MECOM: variants seen among roughly 807,000 people sequenced by gnomAD.
MECOM encodes the protein histone-lysine N-methyltransferase MECOM.
Under a neutral mutation model 116.3 loss-of-function variants are expected in MECOM, and 13 were observed. The observed-to-expected ratio is 0.11, with a 90% CI of 0.07 to 0.18. The LOEUF (loss-of-function observed/expected upper bound fraction) is 0.18, where lower values mean the gene tolerates loss of function less well. Among genes scored for constraint, MECOM ranks in the 10% least tolerant of loss-of-function variants. MECOM has a pLI of 1.00. For synonymous variants in MECOM, 528 were observed against 535.2 expected, an observed-to-expected ratio of 0.99 and a Z score of 0.19; for missense variants, 1,299 against 1,509.0, an observed-to-expected ratio of 0.86 and a Z score of 2.31.
rs148039373 is a variant in MECOM, at chr3:169,317,905, G to A, written c.375+63282C>T. The stretch of plus-strand genomic sequence containing the variant: ...AAGGCTACAGTAACCAAAACAGCAT[G>A]GTACTGGTACCAAAACAGATATGTA... On this transcript the variant is annotated intron_variant, in intron 2 of 16. Coordinates refer to ENST00000651503, the MANE Select transcript of MECOM (RefSeq NM_004991.4). Among the ~76,000 whole-genome samples the A allele has an allele frequency of 2.9e-3, 448 of 152,254 alleles. 1 individual carries two copies. Among genetic ancestry groups the A allele is most frequent in the African/African-American group, 9.5e-3 (393 of 41,558 alleles).
chr3:169,358,187 T>C (rs189647360), intron 2 of MECOM, among the ~76,000 whole-genome samples: 5 of 151,856 alleles, frequency 3.3e-5, no homozygotes, highest in Non-Finnish European at 7.4e-5. Flanking sequence ...TGTAACTCTC[T>C]CAAGAGCTTT....
intron 1 of MECOM, among the ~76,000 whole-genome samples, chr3:169,586,319 C>T (rs1053605974): frequency 6.6e-6 from 1 of 152,172 alleles, no homozygotes; most frequent in Admixed American, 6.5e-5. Context: ...TTTTCCCATA[C>T]CTTTATATTT....
chr3:169,320,482 A>G (rs1720658746), intron 2 of MECOM, among the ~76,000 whole-genome samples: 1 of 152,226 alleles, frequency 6.6e-6, no homozygotes, highest in Admixed American at 6.5e-5. Flanking sequence ...AGGAAACGGT[A>G]ATTAAAGACT....
chr3:169,211,042 A>C (rs1750659745), intron 2 of MECOM, among the ~76,000 whole-genome samples: 1 of 152,110 alleles, frequency 6.6e-6, no homozygotes, highest in African/African-American at 2.4e-5. Context: ...GTGCAGTTTC[A>C]ATGTCCTGAT....
chr3:169,412,319 A>C (rs1234455413), intron 1 of MECOM, among the ~76,000 whole-genome samples: 2 of 151,778 alleles, frequency 1.3e-5, no homozygotes, highest in Non-Finnish European at 2.9e-5. Context: ...AAAAATTAAA[A>C]AGATAAAAAT....
intron 1 of MECOM, among the ~76,000 whole-genome samples, chr3:169,575,974 G>A (rs891380496): frequency 6.6e-6 from 1 of 151,998 alleles, no homozygotes. Flanking sequence ...TTGTTAATTC[G>A]CAAAATTCTA....
chr3:169,125,411 A>G (rs1188478474), intron 5 of MECOM, among the ~76,000 whole-genome samples: 1 of 152,112 alleles, frequency 6.6e-6, no homozygotes, highest in African/African-American at 2.4e-5. Context: ...TATATATCAA[A>G]TCATAAACCC....
chr3:169,309,935 C>T (rs1306682694), intron 2 of MECOM, among the ~76,000 whole-genome samples: 1 of 152,204 alleles, frequency 6.6e-6, no homozygotes, highest in Non-Finnish European at 1.5e-5. Flanking sequence ...ATTGTGATCA[C>T]CACGGGCAAA....
intron 1 of MECOM, among the ~76,000 whole-genome samples, chr3:169,618,610 TCACACCAC>T (rs1275579551): frequency 4.0e-5 from 6 of 151,122 alleles, no homozygotes; most frequent in African/African-American, 1.5e-4. Flanking sequence ...TGAGCCGAGA[TCACACCAC>T]TGCACTCCAG....
intron 1 of MECOM, among the ~76,000 whole-genome samples, chr3:169,449,661 T>C (rs1446611302): frequency 5.3e-5 from 8 of 152,136 alleles, no homozygotes; most frequent in Admixed American, 5.2e-4. Flanking sequence ...AGCTTAATAA[T>C]TTGGTGAGGT....
chr3:169,404,916 C>A (rs1475918929), intron 1 of MECOM, among the ~76,000 whole-genome samples: 1 of 152,198 alleles, frequency 6.6e-6, no homozygotes, highest in Non-Finnish European at 1.5e-5. Context: ...ACAGACTCCA[C>A]TAAATAAAGC....
chr3:169,446,642 G>A (rs565152643), intron 1 of MECOM, among the ~76,000 whole-genome samples: 223 of 152,300 alleles, frequency 1.5e-3, no homozygotes, highest in Non-Finnish European at 1.7e-3. Context: ...TAGTAGTTAT[G>A]TGTGTTGTGC....
At chr3:169,635,332 T>C (rs539473406) in intron 1 of MECOM, among the ~76,000 whole-genome samples, 1 of 152,326 alleles carries the variant, frequency 6.6e-6, no homozygotes, top group Non-Finnish European at 1.5e-5. Context: ...TTATTACCAT[T>C]ATTATTCCTT....
chr3:169,477,335 G>A (rs561496799), intron 1 of MECOM, among the ~76,000 whole-genome samples: 131 of 151,492 alleles, frequency 8.6e-4, no homozygotes, highest in African/African-American at 2.9e-3. Flanking sequence ...TTTGCGCCCC[G>A]TCATTCTCCC....
chr3:169,302,535 AACC>A (rs2149714896), intron 2 of MECOM, among the ~76,000 whole-genome samples: 1 of 152,284 alleles, frequency 6.6e-6, no homozygotes, highest in African/African-American at 2.4e-5. Context: ...ATATTTTTTG[AACC>A]AGGGAAAAAC....
At chr3:169,256,635 A>G (rs1172965988) in intron 2 of MECOM, among the ~76,000 whole-genome samples, 1 of 152,214 alleles carries the variant, frequency 6.6e-6, no homozygotes, top group Non-Finnish European at 1.5e-5. Context: ...AAGAGGTAAC[A>G]CATCTCCTTC....
chr3:169,447,221 G>T (rs1744791830), intron 1 of MECOM, among the ~76,000 whole-genome samples: 1 of 152,044 alleles, frequency 6.6e-6, no homozygotes, highest in Non-Finnish European at 1.5e-5. Context: ...AAGTCTTATT[G>T]GTGCCCTCTG....
intron 2 of MECOM, among the ~76,000 whole-genome samples, chr3:169,352,645 A>G (rs1435631712): frequency 1.3e-5 from 2 of 151,882 alleles, no homozygotes; most frequent in African/African-American, 2.4e-5. Context: ...TCATTCAGGG[A>G]GTGAAATAAT....
At chr3:169,579,559 G>C (rs1343244027) in intron 1 of MECOM, among the ~76,000 whole-genome samples, 1 of 152,162 alleles carries the variant, frequency 6.6e-6, no homozygotes, top group East Asian at 1.9e-4. Context: ...TTCACAACAA[G>C]GATATGATGC....
Sources: allele counts gnomAD v4.1 joint callset (sites outside exome capture counted in the v4.1 genomes callset), GRCh38; gene constraint gnomAD v4.1.1; transcripts MANE v1.5; gene names NCBI Gene and HGNC (gene_info 2026-07-23, HGNC 2026-07-21).